The following KCNMB2 variants were observed in gnomAD, a reference collection of about 807,000 sequenced individuals.
The protein encoded by KCNMB2 is calcium-activated potassium channel subunit beta-2.
KCNMB2 carries 9 observed loss-of-function variants against 24.5 expected under a neutral mutation model. The observed-to-expected ratio is 0.37, with a 90% CI of 0.22 to 0.64. The LOEUF is 0.64. Among genes scored for constraint, KCNMB2 ranks in the 30% least tolerant of loss-of-function variants. The pLI, the probability that KCNMB2 is intolerant of heterozygous loss-of-function variation, is 0.63. For missense variants in KCNMB2, 226 were observed against 284.3 expected (o/e 0.79, Z 1.47); for synonymous variants, 109 against 104.4 (o/e 1.04, Z -0.27).
intron 3 of KCNMB2, 64 bp from the exon 4 acceptor site, chr3:178,828,114 C>CG (rs1248643919): frequency 2.5e-6 from 3 of 1,201,190 alleles, no homozygotes; most frequent in Non-Finnish European, 3.6e-6. Context: ...ATAATTCCCT[C>CG]GGACTATACC....
At chr3:178,537,692 TG>T (rs150875917) in intron 1 of KCNMB2, among the ~76,000 whole-genome samples, 4,834 of 152,286 alleles carry the variant, frequency 0.032, 254 homozygotes, top group African/African-American at 0.11. Flanking sequence ...TTTCTCAACT[TG>T]ATCTATGGTG....
chr3:178,839,653 TTCA>T (rs1715356399), intron 4 of KCNMB2, among the ~76,000 whole-genome samples: 1 of 152,118 alleles, frequency 6.6e-6, no homozygotes, highest in Admixed American at 6.6e-5. Flanking sequence ...GGCATGTCTT[TTCA>T]TACTGGCAGG....
chr3:178,789,901 A>G (rs774728059), intron 1 of KCNMB2, among the ~76,000 whole-genome samples: 1 of 152,060 alleles, frequency 6.6e-6, no homozygotes. Flanking sequence ...TGGTGGGTGC[A>G]CAACCCAGGG....
At chr3:178,675,347 C>T (rs1438006802) in intron 1 of KCNMB2, among the ~76,000 whole-genome samples, 1 of 152,168 alleles carries the variant, frequency 6.6e-6, no homozygotes, top group African/African-American at 2.4e-5. Flanking sequence ...ATTCCTCTAA[C>T]TTGCATCAAG....
intron 1 of KCNMB2, among the ~76,000 whole-genome samples, chr3:178,637,960 T>C (rs1719588596): frequency 6.6e-6 from 1 of 152,156 alleles, no homozygotes; most frequent in Non-Finnish European, 1.5e-5. Flanking sequence ...ACCCTCTTAG[T>C]GATACAGCTT....
chr3:178,642,183 T>TA (rs1045422890), intron 1 of KCNMB2, among the ~76,000 whole-genome samples: 17 of 152,322 alleles, frequency 1.1e-4, no homozygotes, highest in African/African-American at 3.6e-4. Flanking sequence ...ACTACAGAAA[T>TA]ACACATATGG....
intron 1 of KCNMB2, among the ~76,000 whole-genome samples, chr3:178,680,246 A>G (rs6788934): frequency 0.33 from 49,612 of 151,960 alleles, 8,807 homozygotes; most frequent in African/African-American, 0.47. Flanking sequence ...GGAATGCAGA[A>G]GGACTGTGCC....
intron 1 of KCNMB2, among the ~76,000 whole-genome samples, chr3:178,568,817 A>AGATAGATG (rs386356532): frequency 1.6e-4 from 8 of 49,822 alleles, no homozygotes; most frequent in African/African-American, 6.4e-4. Context: ...ATAGATAGAT[A>AGATAGATG]ATAGATAGAT....
chr3:178,795,353 C>T (rs1713496763), intron 1 of KCNMB2: 1 of 152,094 alleles, frequency 6.6e-6, no homozygotes, highest in Non-Finnish European at 1.5e-5. Context: ...ACCCTGGAAA[C>T]ATGGTGAGGT....
chr3:178,579,048 C>T (rs1717101147), intron 1 of KCNMB2, among the ~76,000 whole-genome samples: 1 of 152,174 alleles, frequency 6.6e-6, no homozygotes, highest in African/African-American at 2.4e-5. Context: ...CAGAACTCTC[C>T]ACCCCAAATC....
At chr3:178,570,872 A>T (rs367873191) in intron 1 of KCNMB2, among the ~76,000 whole-genome samples, 1 of 152,140 alleles carries the variant, frequency 6.6e-6, no homozygotes, top group Admixed American at 6.6e-5. Flanking sequence ...AACAATTTAC[A>T]CCAAAGTTTT....
intron 1 of KCNMB2, among the ~76,000 whole-genome samples, chr3:178,614,190 A>G (rs1388999535): frequency 1.5e-5 from 2 of 135,558 alleles, no homozygotes; most frequent in East Asian, 4.5e-4. Context: ...AATTTATCTT[A>G]TAGTATTAGC....
intron 1 of KCNMB2, among the ~76,000 whole-genome samples, chr3:178,682,718 A>G (rs1721312250): frequency 6.6e-6 from 1 of 152,136 alleles, no homozygotes; most frequent in Non-Finnish European, 1.5e-5. Context: ...AAGAACAGAC[A>G]CTTCTTAAAA....
At chr3:178,573,226 C>G (rs911746709) in intron 1 of KCNMB2, among the ~76,000 whole-genome samples, 1 of 152,092 alleles carries the variant, frequency 6.6e-6, no homozygotes, top group African/African-American at 2.4e-5. Context: ...CCAGGCTAGT[C>G]TCGAATTCCT....
intron 1 of KCNMB2, among the ~76,000 whole-genome samples, chr3:178,586,948 T>C (rs1255968867): frequency 6.6e-6 from 1 of 152,198 alleles, no homozygotes; most frequent in South Asian, 2.1e-4. Flanking sequence ...TATGTTTAGA[T>C]TTTTTAATCC....
chr3:178,663,843 G>A (rs1184127611), intron 1 of KCNMB2, among the ~76,000 whole-genome samples: 2 of 152,130 alleles, frequency 1.3e-5, no homozygotes, highest in African/African-American at 2.4e-5. Context: ...GTGCAAAGGA[G>A]TGTTTTAAGG....
At chr3:178,721,188 C>A (rs528358219) in intron 1 of KCNMB2, among the ~76,000 whole-genome samples, 1 of 149,108 alleles carries the variant, frequency 6.7e-6, no homozygotes, top group South Asian at 2.1e-4. Context: ...CAGCTTTCCA[C>A]ATATGGCTAG....
chr3:178,823,147 G>C (rs575686129), intron 2 of KCNMB2, among the ~76,000 whole-genome samples: 6 of 152,306 alleles, frequency 3.9e-5, no homozygotes, highest in East Asian at 1.9e-4. Flanking sequence ...AGTTCCTAAA[G>C]GGTGAAGTTT....
chr3:178,840,934 GT>G (rs1440890681), intron 4 of KCNMB2, among the ~76,000 whole-genome samples: 3 of 152,146 alleles, frequency 2.0e-5, no homozygotes, highest in Non-Finnish European at 4.4e-5. Flanking sequence ...CAGAAAATGG[GT>G]TTTTCTTTTC....
Sources: gnomAD v4.1 joint callset for allele counts (sites outside exome capture counted in the v4.1 genomes callset) on GRCh38, gnomAD v4.1.1 for gene constraint, MANE v1.5 for transcripts, NCBI Gene and HGNC (gene_info 2026-07-23, HGNC 2026-07-21) for gene names.